CDH23: variants seen among roughly 807,000 people sequenced by gnomAD.
CDH23 encodes the protein cadherin related 23.
A neutral mutation model predicts 317.1 loss-of-function variants in CDH23; 189 were observed. The ratio of observed to expected loss-of-function variants is 0.60; its 90% CI spans 0.53 to 0.67. CDH23 has a LOEUF of 0.67. CDH23 is among the 30% of genes least tolerant of loss of function. CDH23 has a pLI of 0.00. For missense variants in CDH23, 4,401 were observed against 4,592.4 expected, an observed-to-expected ratio of 0.96 and a Z score of 1.20; for synonymous variants, 1,839 against 1,876.8, an observed-to-expected ratio of 0.98 and a Z score of 0.52.
intron 45 of CDH23, among the ~76,000 whole-genome samples, chr10:71,789,998 C>T (rs1472040122): frequency 6.6e-6 from 1 of 152,348 alleles, no homozygotes; most frequent in South Asian, 2.1e-4. Context: ...TCCCGAGGAG[C>T]GGCCAGCCTC....
chr10:71,694,418 CG>C (rs1564737673), intron 21 of CDH23, among the ~76,000 whole-genome samples, 159 bp downstream of exon 21: 3 of 152,136 alleles, frequency 2.0e-5, no homozygotes, highest in African/African-American at 7.2e-5. Flanking sequence ...GGTCAGCCCC[CG>C]GGGCCACCAC....
chr10:71,528,692 G>GGT (rs1393770805), intron 6 of CDH23, among the ~76,000 whole-genome samples: 1 of 152,212 alleles, frequency 6.6e-6, no homozygotes, highest in Non-Finnish European at 1.5e-5. Flanking sequence ...GAGAGATAGG[G>GGT]GTCTATTGGC....
At chr10:71,421,651 A>G (rs10999805) in intron 1 of CDH23, among the ~76,000 whole-genome samples, 49,067 of 152,094 alleles carry the variant, frequency 0.32, 8,319 homozygotes, top group Middle Eastern at 0.46. Context: ...TTATTTTTAA[A>G]AATTATGATT....
chr10:71,563,097 C>G (rs972469264), intron 6 of CDH23, among the ~76,000 whole-genome samples: 3 of 152,100 alleles, frequency 2.0e-5, no homozygotes, highest in African/African-American at 7.2e-5. Context: ...CTGTTGGTAT[C>G]TCTTTGGGTG....
At chr10:71,421,077 G>T (rs1589284581) in intron 1 of CDH23, among the ~76,000 whole-genome samples, 1 of 152,304 alleles carries the variant, frequency 6.6e-6, no homozygotes, top group East Asian at 1.9e-4. Flanking sequence ...GACTTCAGAG[G>T]TCTCCAGGTT....
chr10:71,633,490 G>A (rs1180246828), intron 11 of CDH23, among the ~76,000 whole-genome samples: 1 of 152,098 alleles, frequency 6.6e-6, no homozygotes, highest in Non-Finnish European at 1.5e-5. Flanking sequence ...CCCTGCCTGG[G>A]GGCAGCTGAG....
At chr10:71,792,820 T>TA (rs1158593304) in intron 47 of CDH23, among the ~76,000 whole-genome samples, 137 of 47,744 alleles carry the variant, frequency 2.9e-3, no homozygotes, top group East Asian at 6.1e-3. Flanking sequence ...AGACTCCATC[T>TA]AAAAAAAAAA....
At chr10:71,810,304 G>C (rs1841878009) in intron 61 of CDH23, among the ~76,000 whole-genome samples, 168 bp from the exon 62 acceptor site, 1 of 152,218 alleles carries the variant, frequency 6.6e-6, no homozygotes, top group South Asian at 2.1e-4. Flanking sequence ...CTGGCCAAGT[G>C]TGGATGAAGT....
chr10:71,582,303 T>C (rs1564667577), intron 9 of CDH23, among the ~76,000 whole-genome samples: 2 of 152,164 alleles, frequency 1.3e-5, no homozygotes, highest in Non-Finnish European at 2.9e-5. Context: ...CTAGTCTGAA[T>C]TGAGATGTGC....
chr10:71,439,201 G>A (rs1849757238), intron 1 of CDH23, among the ~76,000 whole-genome samples: 1 of 152,130 alleles, frequency 6.6e-6, no homozygotes, highest in Non-Finnish European at 1.5e-5. Context: ...TGAGGTCCTG[G>A]GCAGGTTGCC....
At chr10:71,536,404 C>CT (rs1237336315) in intron 6 of CDH23, among the ~76,000 whole-genome samples, 5 of 152,124 alleles carry the variant, frequency 3.3e-5, no homozygotes, top group Non-Finnish European at 5.9e-5. Flanking sequence ...GAGGGGTGGG[C>CT]TGCGAACAGT....
At chr10:71,625,163 G>C (rs978652574) in intron 11 of CDH23, among the ~76,000 whole-genome samples, 3 of 151,902 alleles carry the variant, frequency 2.0e-5, no homozygotes, top group Non-Finnish European at 4.4e-5. Context: ...GGCCGCTTGG[G>C]ACCCGAGGGT....
At chr10:71,669,700 G>T (rs996696637) in intron 14 of CDH23, among the ~76,000 whole-genome samples, 7 of 152,062 alleles carry the variant, frequency 4.6e-5, no homozygotes. Flanking sequence ...TGCCTGCCTT[G>T]GCCTCCCAAA....
At chr10:71,529,394 A>G (rs541506015) in intron 6 of CDH23, among the ~76,000 whole-genome samples, 16 of 152,218 alleles carry the variant, frequency 1.1e-4, no homozygotes, top group Non-Finnish European at 2.2e-4. Context: ...TGCAGGGAGG[A>G]GAGCGCTGGT....
chr10:71,517,324 G>T (rs574494452), intron 6 of CDH23, among the ~76,000 whole-genome samples: 1 of 152,174 alleles, frequency 6.6e-6, no homozygotes, highest in Admixed American at 6.5e-5. Context: ...CCCTCTGCTG[G>T]TGCCCACTAG....
At chr10:71,513,354 C>CCG (rs1854100841) in intron 6 of CDH23, among the ~76,000 whole-genome samples, 1 of 152,138 alleles carries the variant, frequency 6.6e-6, no homozygotes. Context: ...CTGGCTCTGA[C>CCG]CACAGCTGGG....
chr10:71,453,711 G>T (rs1422711414), intron 3 of CDH23, among the ~76,000 whole-genome samples: 2 of 152,258 alleles, frequency 1.3e-5, no homozygotes, highest in Admixed American at 6.5e-5. Flanking sequence ...TAACCAGAAG[G>T]TTGCTTAAGA....
intron 11 of CDH23, among the ~76,000 whole-genome samples, chr10:71,631,592 T>A (rs1862017329): frequency 6.6e-6 from 1 of 152,262 alleles, no homozygotes; most frequent in Admixed American, 6.5e-5. Flanking sequence ...CTTGTTGTGA[T>A]AGCCCTCATT....
chr10:71,403,388 TTTCTTTCTTTCTTTCTTTC>T (rs1847905537), intron 1 of CDH23, among the ~76,000 whole-genome samples: 1 of 115,966 alleles, frequency 8.6e-6, no homozygotes. Flanking sequence ...TCTTTCTTTC[TTTCTTTCTTTCTTTCTTTC>T]TCTTCCTTCC....
Sources: gnomAD v4.1 joint callset for allele counts (sites outside exome capture counted in the v4.1 genomes callset) on GRCh38, gnomAD v4.1.1 for gene constraint, MANE v1.5 for transcripts, NCBI Gene and HGNC (gene_info 2026-07-23, HGNC 2026-07-21) for gene names.